The following PCM1 variants were observed in gnomAD, a reference collection of about 807,000 sequenced individuals.
PCM1 encodes pericentriolar material 1.
PCM1 carries 157 observed loss-of-function variants against 241.9 expected under a neutral mutation model. That is an observed-to-expected ratio of 0.65 (90% CI 0.57 to 0.74). The LOEUF (loss-of-function observed/expected upper bound fraction) is 0.74. Among genes scored for constraint, PCM1 ranks in the 30% least tolerant of loss-of-function variants. The pLI is 0.00. For missense variants in PCM1, 3,478 were observed against 2,360.1 expected, an observed-to-expected ratio of 1.47 and a Z score of -9.81; for synonymous variants, 1,085 against 784.9, an observed-to-expected ratio of 1.38 and a Z score of -6.39.
Position 18,003,370 on chromosome 8 carries a change from T to A in PCM1, c.4828-2893T>A, listed in dbSNP as rs868232404. ...TGTCACTCATAAAACCTTTTACAGC[T>A]TGGTCTGGCCTCTTAAGCCTTGTGT... On this transcript the variant is annotated intron_variant, in intron 29 of 38. Transcript: ENST00000325083. 3.9e-5 allele frequency among the ~76,000 whole-genome samples: 6 copies of A among 152,314 alleles called. No individual in the cohort carries two copies. In the South Asian group the frequency reaches 1.0e-3, roughly 26 times the overall value.
intron 29 of PCM1, among the ~76,000 whole-genome samples, chr8:18,005,039 C>G (rs184806499): frequency 6.6e-6 from 1 of 152,248 alleles, no homozygotes; most frequent in East Asian, 1.9e-4. Context: ...TACAAGTTGT[C>G]TTGTCTATCC....
chr8:18,025,051 CAT>C (rs1369716132), intron 36 of PCM1: 5 of 232,072 alleles, frequency 2.2e-5, no homozygotes, highest in South Asian at 1.8e-4. Flanking sequence ...GTTCAGTAAA[CAT>C]ATGAAAAAAC....
Position 18,014,049 on chromosome 8 carries a change from A to C in PCM1, c.5584+13A>C. 1.4e-6 allele frequency: 2 copies of C among 1,469,736 alleles called. No individual in the cohort carries two copies. The highest frequency in any genetic ancestry group is 1.2e-5 in the South Asian group (1 of 80,776). The allele number at this position is 1,469,736 out of a possible 1,614,324, so 91.0% of individuals were successfully genotyped here. On this transcript the variant is annotated intron_variant, in intron 35 of 38. Coordinates refer to ENST00000325083, the MANE Select transcript of PCM1 (RefSeq NM_006197.4). Reference sequence around the variant, plus strand: ...GCCACTAGTAAAAGTAAGAAATCTAAATAAGTCTTTGATTTTAAGATAATT... The same window carrying C: ...GCCACTAGTAAAAGTAAGAAATCTACATAAGTCTTTGATTTTAAGATAATT...
Position 17,957,389 on chromosome 8 carries a change from A to G in PCM1, c.1772A>G (p.Asn591Ser), listed in dbSNP as rs142878333. 4.3e-6 allele frequency: 7 copies of G among 1,612,756 alleles called. No individual in the cohort carries two copies. Among genetic ancestry groups the G allele is most frequent in the Admixed American group, 3.3e-5 (2 of 60,002 alleles). ...GAAATTAACAACAGATCTGCTGCCA[A>G]CATAAGGGCTCTAAACATGCCTCCT... ...NCEINNRSAA[N>S]IRALNMPPSL... Residue 591 changes from asparagine (N) to serine (S), a missense_variant, in exon 12 of 39, where the codon AAC becomes AGC. Transcript: ENST00000325083.
rs2072451737 is a variant in PCM1, at chr8:17,961,962, A to C, written c.2323-72A>C. ...CACTAGAGCCTTAGTGCCATATTTA[A>C]AGTAACTGCTTTTATGAAATTAATA... On this transcript the variant is annotated intron_variant, in intron 15 of 38. Coordinates refer to ENST00000325083, the MANE Select transcript of PCM1 (RefSeq NM_006197.4). 2.9e-6 allele frequency: 4 copies of C among 1,396,818 alleles called. No individual in the cohort carries two copies. The Admixed American group carries it at 6.6e-5, about 23-fold the overall frequency. The allele number at this position is 1,396,818 out of a possible 1,614,324, so 86.5% of individuals were successfully genotyped here. A position where few individuals can be genotyped will look rare whatever the true frequency, so the allele number is the denominator to read the frequency against.
At position 18,028,528 on chromosome 8, in the gene PCM1, G is replaced by C. The variant is rs2094369801; in HGVS notation, c.*866G>C. ...AATAGTAAGATTCTGTATGCCTTCA[G>C]ATAAACTTGCCTATTGAGATGGTAA... is the stretch of plus-strand genomic sequence containing the variant. On this transcript the variant is annotated 3_prime_UTR_variant, in exon 39 of 39. Transcript: ENST00000325083. 1 of 202,368 alleles carries C rather than the reference G, an allele frequency of 4.9e-6. No individual in the cohort carries two copies. Among genetic ancestry groups the C allele is most frequent in the Non-Finnish European group, 1.0e-5 (1 of 98,354 alleles). 12.5% of individuals were successfully genotyped at this position (202,368 alleles called of 1,614,324 possible). A position where few individuals can be genotyped will look rare whatever the true frequency, so the allele number is the denominator to read the frequency against.
intron 28 of PCM1, 68 bp downstream of exon 28, chr8:17,991,768 T>C: frequency 4.3e-6 from 5 of 1,163,502 alleles, no homozygotes; most frequent in South Asian, 1.5e-5. Flanking sequence ...ATAAGTTCTT[T>C]AGTGGTGATT....
At chr8:17,998,695 C>T (rs1443702799) in intron 29 of PCM1, among the ~76,000 whole-genome samples, 4 of 152,146 alleles carry the variant, frequency 2.6e-5, no homozygotes, top group Admixed American at 1.3e-4. Context: ...TGCCTAAATT[C>T]GCTCAAGGCC....
At chr8:18,022,278 T>C (rs1430959220) in intron 36 of PCM1, among the ~76,000 whole-genome samples, 1 of 152,204 alleles carries the variant, frequency 6.6e-6, no homozygotes, top group East Asian at 1.9e-4. Flanking sequence ...AACGACTACA[T>C]TTAAAACTTT....
chr8:18,011,090 T>C (rs994424632), intron 32 of PCM1, 147 bp from the exon 33 acceptor site: 49 of 549,144 alleles, frequency 8.9e-5, no homozygotes, highest in Middle Eastern at 5.1e-4. Context: ...CCTGACACTT[T>C]TTTATTTTAA....
Position 18,027,785 on chromosome 8 carries a change from G to C in PCM1, c.*123G>C, listed in dbSNP as rs994236276. 2.5e-5 allele frequency: 15 copies of C among 594,744 alleles called. No individual in the cohort carries two copies. Among genetic ancestry groups the C allele is most frequent in the African/African-American group, 2.3e-4 (12 of 53,004 alleles). 36.8% of individuals were successfully genotyped at this position (594,744 alleles called of 1,614,324 possible). ...TAGTTTGACACTGCTTTTTTGATAG[G>C]TGTGGTCATTTCTCCCCATGGTAGT... On this transcript the variant is annotated 3_prime_UTR_variant, in exon 39 of 39. Coordinates refer to ENST00000325083, the MANE Select transcript of PCM1 (RefSeq NM_006197.4).
chr8:18,011,577 C>G (rs1157312749), intron 33 of PCM1, 90 bp from the exon 34 acceptor site: 1 of 1,207,920 alleles, frequency 8.3e-7, no homozygotes, highest in African/African-American at 1.5e-5. Flanking sequence ...GTATATAAAG[C>G]ATCTGTGCCA....
intron 24 of PCM1, among the ~76,000 whole-genome samples, chr8:17,983,832 A>G (rs919727390): frequency 1.3e-5 from 2 of 152,178 alleles, no homozygotes; most frequent in African/African-American, 2.4e-5. Flanking sequence ...CTCCTCTTGC[A>G]GCTTTACATG....
At chr8:17,951,696 CAT>C (rs2066077574) in intron 8 of PCM1, among the ~76,000 whole-genome samples, 2 of 152,022 alleles carry the variant, frequency 1.3e-5, no homozygotes, top group Non-Finnish European at 2.9e-5. Context: ...AAAATAAAAA[CAT>C]GTAGAGAATG....
At chr8:17,994,312 A>G (rs2085819455) in intron 29 of PCM1, among the ~76,000 whole-genome samples, 1 of 152,192 alleles carries the variant, frequency 6.6e-6, no homozygotes, top group Non-Finnish European at 1.5e-5. Flanking sequence ...GGCTAACTTC[A>G]CTTAACATAA....
intron 26 of PCM1, among the ~76,000 whole-genome samples, chr8:17,988,814 A>T (rs2083461017): frequency 6.6e-6 from 1 of 151,970 alleles, no homozygotes; most frequent in Non-Finnish European, 1.5e-5. Flanking sequence ...GACAATAAGA[A>T]GTGTTGGTGA....
intron 29 of PCM1, 114 bp downstream of exon 29, chr8:17,993,733 C>G: frequency 2.4e-6 from 2 of 836,216 alleles, no homozygotes; most frequent in South Asian, 2.4e-5. Flanking sequence ...AACAAAAAAA[C>G]TATCACCCAT....
chr8:17,942,913 C>G (rs1395872235), intron 6 of PCM1, among the ~76,000 whole-genome samples: 1 of 151,096 alleles, frequency 6.6e-6, no homozygotes, highest in African/African-American at 2.4e-5. Flanking sequence ...AGGAGAATTG[C>G]TTGAACCCTG....
chr8:17,978,518 C>G (rs953917012), intron 23 of PCM1, among the ~76,000 whole-genome samples: 5 of 151,916 alleles, frequency 3.3e-5, no homozygotes, highest in Non-Finnish European at 5.9e-5. Flanking sequence ...CAAACCGACA[C>G]CAGGCAATCT....
Sources: allele counts gnomAD v4.1 joint callset (sites outside exome capture counted in the v4.1 genomes callset), GRCh38; gene constraint gnomAD v4.1.1; transcripts MANE v1.5; gene names NCBI Gene and HGNC (gene_info 2026-07-23, HGNC 2026-07-21).